The following NELL1 variants were observed in gnomAD, a reference collection of about 807,000 sequenced individuals.
NELL1 encodes the protein protein kinase C-binding protein NELL1.
In NELL1, 76 loss-of-function variants were observed where a neutral mutation model predicts 107.4. That is an observed-to-expected ratio of 0.71 (90% CI 0.59 to 0.86). The LOEUF (loss-of-function observed/expected upper bound fraction) is 0.86. NELL1 is among the 40% of genes least tolerant of loss of function. The probability of loss-of-function intolerance (pLI) is 0.00; values close to 1 mark genes in which losing one functional copy is unlikely to be tolerated. For missense variants in NELL1, 1,024 were observed against 1,005.5 expected (o/e 1.02, Z -0.25); for synonymous variants, 353 against 341.2 (o/e 1.03, Z -0.38).
At chr11:21,276,470 G>A (rs1393903873) in intron 14 of NELL1, among the ~76,000 whole-genome samples, 5 of 152,262 alleles carry the variant, frequency 3.3e-5, no homozygotes, top group African/African-American at 1.2e-4. Flanking sequence ...TGGCCATACT[G>A]CCCAAGGTAA....
At chr11:20,895,601 G>C (rs1048814570) in intron 5 of NELL1, among the ~76,000 whole-genome samples, 4 of 143,804 alleles carry the variant, frequency 2.8e-5, no homozygotes, top group Admixed American at 7.9e-5. Flanking sequence ...CGCCCCTCCA[G>C]GTTTAAGCAT....
chr11:21,347,967 G>T (rs948978903), intron 14 of NELL1, among the ~76,000 whole-genome samples: 1 of 152,194 alleles, frequency 6.6e-6, no homozygotes, highest in African/African-American at 2.4e-5. Flanking sequence ...GAGCTGGAAA[G>T]AGAATGGAGG....
At chr11:21,214,535 A>G (rs1857571702) in intron 13 of NELL1, among the ~76,000 whole-genome samples, 1 of 152,168 alleles carries the variant, frequency 6.6e-6, no homozygotes. Context: ...AAAAATAGTG[A>G]CAACATCAGG....
intron 14 of NELL1, among the ~76,000 whole-genome samples, chr11:21,316,521 C>T (rs1849884021): frequency 6.6e-6 from 1 of 152,118 alleles, no homozygotes; most frequent in South Asian, 2.1e-4. Flanking sequence ...CACAGGGGTG[C>T]CATGCTCTGT....
intron 13 of NELL1, among the ~76,000 whole-genome samples, chr11:21,133,106 C>T (rs1204034118): frequency 6.6e-6 from 1 of 151,990 alleles, no homozygotes; most frequent in Non-Finnish European, 1.5e-5. Context: ...TCAGGTCATC[C>T]CAACAAGTGT....
intron 2 of NELL1, among the ~76,000 whole-genome samples, chr11:20,743,901 A>G (rs1318941849): frequency 6.6e-6 from 1 of 152,196 alleles, no homozygotes; most frequent in African/African-American, 2.4e-5. Flanking sequence ...ACCACTCTGG[A>G]CATCTTCTTG....
chr11:20,915,717 A>ATATATATATATTTTTTTTTTTT, intron 5 of NELL1, among the ~76,000 whole-genome samples: 5 of 58,214 alleles, frequency 8.6e-5, no homozygotes, highest in African/African-American at 4.4e-4. Context: ...ATATATATAT[A>ATATATATATATTTTTTTTTTTT]TTTTTTTTTT....
chr11:21,071,261 G>T (rs1448265121), intron 12 of NELL1, among the ~76,000 whole-genome samples: 1 of 152,110 alleles, frequency 6.6e-6, no homozygotes, highest in Non-Finnish European at 1.5e-5. Context: ...ACTCTCTTTG[G>T]AGAAGGGATC....
chr11:20,697,444 T>C (rs1854652144), intron 2 of NELL1, among the ~76,000 whole-genome samples: 1 of 151,720 alleles, frequency 6.6e-6, no homozygotes, highest in South Asian at 2.1e-4. Context: ...TCAGGAGTTC[T>C]GCTTCAAAAG....
intron 15 of NELL1, among the ~76,000 whole-genome samples, chr11:21,503,721 T>C (rs1319723919): frequency 2.0e-5 from 3 of 152,184 alleles, no homozygotes; most frequent in Non-Finnish European, 4.4e-5. Context: ...TTAGAGGCTA[T>C]TCTCAGTCAG....
chr11:21,110,238 C>G (rs10500891), intron 12 of NELL1, among the ~76,000 whole-genome samples: 23,981 of 152,010 alleles, frequency 0.16, 2,272 homozygotes, highest in Middle Eastern at 0.29. Flanking sequence ...TATGCAAGAG[C>G]TGAAATTAAT....
At chr11:21,516,088 A>C (rs1424642964) in intron 15 of NELL1, among the ~76,000 whole-genome samples, 1 of 152,184 alleles carries the variant, frequency 6.6e-6, no homozygotes, top group Non-Finnish European at 1.5e-5. Flanking sequence ...GAAAGGGGCA[A>C]CTTTGCTTAT....
intron 15 of NELL1, among the ~76,000 whole-genome samples, chr11:21,431,031 T>TCAAAA (rs1018412761): frequency 1.3e-5 from 2 of 152,180 alleles, no homozygotes; most frequent in African/African-American, 4.8e-5. Flanking sequence ...ACTTCCCAAT[T>TCAAAA]CAAAACACGT....
At chr11:21,035,685 C>G (rs1255931856) in intron 12 of NELL1, among the ~76,000 whole-genome samples, 1 of 151,890 alleles carries the variant, frequency 6.6e-6, no homozygotes, top group African/African-American at 2.4e-5. Context: ...AATTCAACAC[C>G]CCTCATGTTA....
chr11:21,155,938 A>G (rs1033085819), intron 13 of NELL1, among the ~76,000 whole-genome samples: 8 of 152,188 alleles, frequency 5.3e-5, no homozygotes, highest in Admixed American at 5.2e-4. Context: ...TGAATAGCAT[A>G]TAGATTACTT....
chr11:21,522,118 C>T (rs923486193), intron 15 of NELL1, among the ~76,000 whole-genome samples: 2 of 151,922 alleles, frequency 1.3e-5, no homozygotes, highest in Non-Finnish European at 2.9e-5. Flanking sequence ...CCTGTAGTCC[C>T]AGCTGCTGGG....
intron 15 of NELL1, among the ~76,000 whole-genome samples, chr11:21,375,619 A>G (rs1046290380): frequency 2.0e-5 from 3 of 152,116 alleles, no homozygotes; most frequent in African/African-American, 7.2e-5. Flanking sequence ...TCTTTGAGAT[A>G]TCTCCAAACT....
At chr11:20,718,665 C>T (rs542056859) in intron 2 of NELL1, among the ~76,000 whole-genome samples, 14 of 152,078 alleles carry the variant, frequency 9.2e-5, no homozygotes, top group African/African-American at 2.7e-4. Context: ...AAATGTATTG[C>T]TAGTCTTCAG....
intron 2 of NELL1, among the ~76,000 whole-genome samples, chr11:20,726,622 G>T (rs1327695960): frequency 6.6e-6 from 1 of 151,610 alleles, no homozygotes. Context: ...TATACTTTAA[G>T]TTCTAGGGTA....
Sources: gnomAD v4.1 joint callset for allele counts (sites outside exome capture counted in the v4.1 genomes callset) on GRCh38, gnomAD v4.1.1 for gene constraint, MANE v1.5 for transcripts, NCBI Gene and HGNC (gene_info 2026-07-23, HGNC 2026-07-21) for gene names.